Variants in FUT8 observed in about 807,000 individuals in gnomAD.
FUT8 encodes the protein fucosyltransferase 8.
In FUT8, 29 loss-of-function variants were observed where a neutral mutation model predicts 71.3. That is an observed-to-expected ratio of 0.41 (90% CI 0.30 to 0.55). The LOEUF is 0.55. FUT8 is among the 20% of genes least tolerant of loss of function. The pLI, the probability that FUT8 is intolerant of heterozygous loss-of-function variation, is 0.34. For missense variants in FUT8, 544 were observed against 702.1 expected, an observed-to-expected ratio of 0.77 and a Z score of 2.55; for synonymous variants, 254 against 239.3, an observed-to-expected ratio of 1.06 and a Z score of -0.57.
chr14:65,529,807 A>T (rs1883811204), intron 2 of FUT8, among the ~76,000 whole-genome samples: 1 of 152,176 alleles, frequency 6.6e-6, no homozygotes, highest in African/African-American at 2.4e-5. Context: ...TTTCTAGGGC[A>T]GTCTAGAGTA....
At chr14:65,379,289 G>C in the FUT8 span, among the ~76,000 whole-genome samples, 21 of 152,108 alleles carry the variant, frequency 1.4e-4, 1 homozygote, top group Admixed American at 2.6e-4. Flanking sequence ...CAGCACTTTG[G>C]GGGGCTGAGG....
chr14:65,457,838 C>G (rs1028525812), intron 2 of FUT8: 17 of 152,184 alleles, frequency 1.1e-4, no homozygotes, highest in African/African-American at 4.1e-4. Context: ...GGTTTTGGGC[C>G]TGGTGCCGGG....
chr14:65,607,038 G>A lies in FUT8; in HGVS notation c.204-8940G>A, dbSNP rs900883234. On this transcript the variant is annotated intron_variant, in intron 3 of 10. Coordinates refer to ENST00000673929, the MANE Select transcript of FUT8 (RefSeq NM_001371533.1). This position sits in a 1 kb window ranked among gnomAD's most constrained non-coding sequence, Gnocchi z 4.1. Reference sequence around the variant, plus strand: ...AGTAATTTGTGGTTGTTGTTGTATAGAGACTTTAATTTCTGTACATTGATA... The same window carrying A: ...AGTAATTTGTGGTTGTTGTTGTATAAAGACTTTAATTTCTGTACATTGATA... 6.6e-6 allele frequency among the ~76,000 whole-genome samples: 1 copy of A among 151,892 alleles called. No homozygotes were observed. Among genetic ancestry groups the A allele is most frequent in the Non-Finnish European group, 1.5e-5 (1 of 67,876 alleles).
chr14:65,624,800 C>T (rs564814359), intron 5 of FUT8, among the ~76,000 whole-genome samples: 2 of 152,346 alleles, frequency 1.3e-5, no homozygotes, highest in African/African-American at 2.4e-5. Flanking sequence ...CTTGCGCCTG[C>T]GCAGTGGCTC....
At chr14:65,379,022 T>G in the FUT8 span, among the ~76,000 whole-genome samples, 1 of 151,592 alleles carries the variant, frequency 6.6e-6, no homozygotes. Context: ...AATTTTTGTA[T>G]TTTTAGTAGA....
At position 65,627,205 on chromosome 14, in the gene FUT8, G is replaced by A. The variant is rs927457771; in HGVS notation, c.483-2287G>A. ...AGTAGGGCAGAAAGATAAGAAGTAA[G>A]TAATATTGTATATTGGAAAATGATA... On this transcript the variant is annotated intron_variant, in intron 5 of 10. Coordinates refer to ENST00000673929, the MANE Select transcript of FUT8 (RefSeq NM_001371533.1). This position sits in a 1 kb window ranked among gnomAD's most constrained non-coding sequence, Gnocchi z 4.0. Among the ~76,000 whole-genome samples the A allele has an allele frequency of 1.3e-5, 2 of 152,050 alleles. No individual in the cohort carries two copies. The highest frequency in any genetic ancestry group is 2.9e-5 in the Non-Finnish European group (2 of 68,012).
chr14:65,540,793 C>T (rs574439662), intron 2 of FUT8, among the ~76,000 whole-genome samples: 1 of 151,960 alleles, frequency 6.6e-6, no homozygotes, highest in East Asian at 1.9e-4. Flanking sequence ...AAATAACTAA[C>T]GAAGTGAGAA....
chr14:65,468,365 T>C (rs1170424513), intron 2 of FUT8: 7 of 540,158 alleles, frequency 1.3e-5, no homozygotes, highest in Admixed American at 2.3e-5. Context: ...TACTGGAAGA[T>C]GGTGGTTCCG....
chr14:65,471,102 A>G, intron 2 of FUT8: 1 of 463,782 alleles, frequency 2.2e-6, no homozygotes, highest in East Asian at 7.2e-5. Context: ...TGTGGTGGTA[A>G]GGGTAGAGGG....
chr14:65,560,276 A>G (rs1885840885), intron 2 of FUT8, among the ~76,000 whole-genome samples: 1 of 152,068 alleles, frequency 6.6e-6, no homozygotes, highest in Non-Finnish European at 1.5e-5. Context: ...TCTCTTGTAT[A>G]TGGAACTCTG....
rs528880045 is a variant in FUT8 at position 65,607,451 on chromosome 14, A to G, written c.204-8527A>G. ...GATTTTTTGTTTCCATTGAGATTGT[A>G]ATTTTATTTTGTTTTAATTTGTTAA... On this transcript the variant is annotated intron_variant, in intron 3 of 10. Coordinates refer to ENST00000673929, the MANE Select transcript of FUT8 (RefSeq NM_001371533.1). This position sits in a 1 kb window ranked among gnomAD's most constrained non-coding sequence, Gnocchi z 4.1. Among the ~76,000 whole-genome samples the G allele has an allele frequency of 6.6e-6, 1 of 152,002 alleles. No homozygotes were observed. The highest frequency in any genetic ancestry group is 2.4e-5 in the African/African-American group (1 of 41,550).
At chr14:65,387,569 G>T in the FUT8 span, among the ~76,000 whole-genome samples, 1 of 152,202 alleles carries the variant, frequency 6.6e-6, no homozygotes, top group East Asian at 1.9e-4. Flanking sequence ...AACAGGCACA[G>T]TTATCAACAG....
At position 65,638,358 on chromosome 14, in the gene FUT8, T is replaced by TG. The variant is rs1248817642; in HGVS notation, c.597+8754dup. ...ACTGTGTCCGGCCAGAAAGATTTTTTGGTTTGCCCCCGTGTTTTGCTTGCT... is the reference window on the plus strand; with the variant it reads ...ACTGTGTCCGGCCAGAAAGATTTTTTGGGTTTGCCCCCGTGTTTTGCTTGCT... On this transcript the variant is annotated intron_variant, in intron 6 of 10. Coordinates refer to ENST00000673929, the MANE Select transcript of FUT8 (RefSeq NM_001371533.1). This position sits in a 1 kb window ranked among gnomAD's most constrained non-coding sequence, Gnocchi z 4.5. Among the ~76,000 whole-genome samples, 15 of 152,336 alleles carry TG rather than the reference T, an allele frequency of 9.8e-5. No homozygotes were observed. Among genetic ancestry groups the TG allele is most frequent in the Middle Eastern group, 3.4e-3 (1 of 294 alleles).
At chr14:65,505,755 C>A (rs2066722476) in intron 2 of FUT8, among the ~76,000 whole-genome samples, 1 of 151,800 alleles carries the variant, frequency 6.6e-6, no homozygotes, top group Admixed American at 6.6e-5. Context: ...TCTCATTTGA[C>A]TTTTTTTTGC....
chr14:65,470,267 G>GGGGC (rs1484101575), intron 2 of FUT8, among the ~76,000 whole-genome samples: 3 of 152,260 alleles, frequency 2.0e-5, no homozygotes, highest in Non-Finnish European at 2.9e-5. Flanking sequence ...AAAGGCAAGG[G>GGGGC]GGGCCTTCCT....
chr14:65,497,116 A>G (rs1455750429), intron 2 of FUT8, among the ~76,000 whole-genome samples: 1 of 152,180 alleles, frequency 6.6e-6, no homozygotes, highest in Non-Finnish European at 1.5e-5. Context: ...TTTAATTTGT[A>G]TGTGTATATT....
At chr14:65,425,418 T>G (rs1301375863) in intron 1 of FUT8, among the ~76,000 whole-genome samples, 1 of 150,412 alleles carries the variant, frequency 6.6e-6, no homozygotes, top group South Asian at 2.1e-4. Flanking sequence ...TCCACCCGCC[T>G]CGCCCTCCCA....
chr14:65,446,252 T>A (rs2065739472), intron 1 of FUT8, among the ~76,000 whole-genome samples: 2 of 152,242 alleles, frequency 1.3e-5, no homozygotes, highest in Admixed American at 1.3e-4. Context: ...TTCTGCTGAT[T>A]GCATACTAAT....
chr14:65,637,194 T>C (rs1316728879), intron 6 of FUT8, among the ~76,000 whole-genome samples: 5 of 152,228 alleles, frequency 3.3e-5, no homozygotes, highest in Non-Finnish European at 4.4e-5. Context: ...GTTGCTGATA[T>C]ATATTCATTA....
Sources: gnomAD v4.1 joint callset for allele counts (sites outside exome capture counted in the v4.1 genomes callset) on GRCh38, gnomAD v4.1.1 for gene constraint, Gnocchi (gnomAD v3.1) non-coding constraint, MANE v1.5 for transcripts, NCBI Gene and HGNC (gene_info 2026-07-23, HGNC 2026-07-21) for gene names.